The following AGBL3 variants were observed in gnomAD, a reference collection of about 807,000 sequenced individuals.
The protein encoded by AGBL3 is cytosolic carboxypeptidase 3.
Under a neutral mutation model 94.5 loss-of-function variants are expected in AGBL3, and 68 were observed. The ratio of observed to expected loss-of-function variants is 0.72; its 90% confidence interval spans 0.59 to 0.88. AGBL3 has a LOEUF of 0.88. Among genes scored for constraint, AGBL3 ranks in the 40% least tolerant of loss-of-function variants. The pLI is 0.00. For missense variants in AGBL3, 934 were observed against 1,103.8 expected, an observed-to-expected ratio of 0.85 and a Z score of 2.18; for synonymous variants, 354 against 370.7, an observed-to-expected ratio of 0.95 and a Z score of 0.52.
chr7:135,012,449 A>G (rs1389517839), intron 4 of AGBL3: 2 of 152,218 alleles, frequency 1.3e-5, no homozygotes, highest in Admixed American at 6.5e-5. Context: ...TAAATCAGTA[A>G]GCTGTAGTTC....
chr7:135,042,553 TA>T (rs1305302701), intron 8 of AGBL3, among the ~76,000 whole-genome samples: 2 of 152,130 alleles, frequency 1.3e-5, no homozygotes, highest in African/African-American at 4.8e-5. Context: ...CCTATTAGGA[TA>T]ATAGAACTGT....
At position 135,038,006 on chromosome 7, in the gene AGBL3, C is replaced by A. The variant is rs1176934794; in HGVS notation, c.1500+426C>A. ...GAATTTTGCCAGGAAAAAACTTAAT[C>A]CAATAACCAATATTTTTAAAATATA... On this transcript the variant is annotated intron_variant, in intron 8 of 16. Transcript: ENST00000436302. 3.3e-5 allele frequency among the ~76,000 whole-genome samples: 5 copies of A among 151,612 alleles called. No homozygotes were observed. In the South Asian group the frequency reaches 1.0e-3, roughly 32 times the overall value.
At chr7:135,045,411 T>G in intron 9 of AGBL3, 63 bp from the exon 10 acceptor site, 1 of 1,319,028 alleles carries the variant, frequency 7.6e-7, no homozygotes, top group Non-Finnish European at 1.1e-6. Flanking sequence ...TGTTTTGCAA[T>G]GTACCTGCTA....
At chr7:135,067,079 A>G (rs1409065840) in intron 12 of AGBL3, among the ~76,000 whole-genome samples, 1 of 152,218 alleles carries the variant, frequency 6.6e-6, no homozygotes, top group East Asian at 1.9e-4. Flanking sequence ...ACAGCACACC[A>G]GGAGATTATA....
intron 4 of AGBL3, among the ~76,000 whole-genome samples, chr7:135,009,175 C>T (rs1584810352): frequency 1.3e-5 from 2 of 152,186 alleles, no homozygotes; most frequent in African/African-American, 2.4e-5. Context: ...AACTTACATA[C>T]AAACGTTAAC....
At chr7:135,018,818 A>G (rs772780706) in intron 5 of AGBL3, among the ~76,000 whole-genome samples, 23 of 152,254 alleles carry the variant, frequency 1.5e-4, no homozygotes, top group Non-Finnish European at 3.2e-4. Context: ...ACTGTGAGAC[A>G]TGGTTAGTTT....
chr7:135,127,854 T>C (rs1010658029), intron 16 of AGBL3, among the ~76,000 whole-genome samples: 12 of 152,216 alleles, frequency 7.9e-5, no homozygotes, highest in African/African-American at 2.9e-4. Context: ...TAAATCATTC[T>C]ACTATAAAGA....
intron 16 of AGBL3, among the ~76,000 whole-genome samples, chr7:135,127,933 C>A (rs1362534742): frequency 6.6e-6 from 1 of 152,128 alleles, no homozygotes; most frequent in African/African-American, 2.4e-5. Flanking sequence ...CCCAAATACC[C>A]ATCAGTGATA....
chr7:134,998,479 C>T (rs1811285079), intron 4 of AGBL3, among the ~76,000 whole-genome samples: 1 of 152,048 alleles, frequency 6.6e-6, no homozygotes, highest in Admixed American at 6.6e-5. Context: ...TCCTATTTTT[C>T]ACTTGTCATA....
At chr7:135,119,561 A>AAAAAAAGGCTAAAAAACC (rs1247932483) in intron 16 of AGBL3, among the ~76,000 whole-genome samples, 2 of 151,812 alleles carry the variant, frequency 1.3e-5, no homozygotes, top group Admixed American at 1.3e-4. Flanking sequence ...ATGAGACCAA[A>AAAAAAAGGCTAAAAAACC]AAAAAAAGAA....
At chr7:135,021,409 A>C (rs1365831753) in intron 5 of AGBL3, among the ~76,000 whole-genome samples, 1 of 150,790 alleles carries the variant, frequency 6.6e-6, no homozygotes, top group Non-Finnish European at 1.5e-5. Context: ...CTCCTGCCTC[A>C]GCCTCCCGAG....
rs375843068 is a variant in AGBL3 at position 135,007,081 on chromosome 7, T to G, written c.311-9971T>G. Among the ~76,000 whole-genome samples, 3 of 152,042 alleles carry G rather than the reference T, an allele frequency of 2.0e-5. No individual in the cohort carries two copies. The East Asian group carries it at 5.8e-4, about 29-fold the overall frequency. ...GTCGCTTAAACCCAAATAGCTTCAT[T>G]GCTGAATTCTTCCAAACATTTAATG... On this transcript the variant is annotated intron_variant, in intron 4 of 16. Transcript: ENST00000436302.
At chr7:135,059,270 G>A (rs1232426920) in intron 12 of AGBL3, 35 bp downstream of exon 12, 4 of 1,485,496 alleles carry the variant, frequency 2.7e-6, no homozygotes, top group Non-Finnish European at 9.2e-7. Flanking sequence ...ATGTGGATAT[G>A]CTGTGTAGGT....
At chr7:135,125,413 C>CA (rs944038632) in intron 16 of AGBL3, among the ~76,000 whole-genome samples, 24 of 151,502 alleles carry the variant, frequency 1.6e-4, no homozygotes, top group African/African-American at 5.1e-4. Flanking sequence ...GCCTACCAAG[C>CA]AAAAAAAAGC....
chr7:135,055,201 A>T (rs954528869), intron 11 of AGBL3, among the ~76,000 whole-genome samples: 3 of 152,158 alleles, frequency 2.0e-5, no homozygotes, highest in African/African-American at 7.2e-5. Flanking sequence ...CTACCTCCCA[A>T]CACTGGCACA....
intron 13 of AGBL3, among the ~76,000 whole-genome samples, chr7:135,077,186 C>G (rs965199523): frequency 1.3e-5 from 2 of 152,170 alleles, no homozygotes; most frequent in Non-Finnish European, 2.9e-5. Flanking sequence ...CCCCTGCTGT[C>G]TGTTGCTAAC....
At chr7:135,050,302 CAT>C (rs751833405) in intron 11 of AGBL3, among the ~76,000 whole-genome samples, 22 of 152,044 alleles carry the variant, frequency 1.4e-4, no homozygotes, top group Non-Finnish European at 2.4e-4. Context: ...TGTGGCCTAA[CAT>C]GTGATCTATC....
At chr7:135,012,740 A>G (rs1452681673) in intron 4 of AGBL3, among the ~76,000 whole-genome samples, 2 of 152,090 alleles carry the variant, frequency 1.3e-5, no homozygotes, top group Admixed American at 6.6e-5. Flanking sequence ...GCATACATGT[A>G]GAAAAAAAAA....
intron 5 of AGBL3, among the ~76,000 whole-genome samples, chr7:135,017,781 A>G (rs1428703115): frequency 6.6e-6 from 1 of 152,216 alleles, no homozygotes; most frequent in Non-Finnish European, 1.5e-5. Flanking sequence ...CAAGACAAAG[A>G]GAAATTCACA....
Sources: allele counts gnomAD v4.1 joint callset (sites outside exome capture counted in the v4.1 genomes callset), GRCh38; gene constraint gnomAD v4.1.1; transcripts MANE v1.5; gene names NCBI Gene and HGNC (gene_info 2026-07-23, HGNC 2026-07-21).